ISM1: variants seen among roughly 807,000 people sequenced by gnomAD.
ISM1 encodes the protein isthmin-1.
In ISM1, 25 loss-of-function variants were observed where a neutral mutation model predicts 46.3. The observed-to-expected ratio is 0.54, with a 90% CI of 0.39 to 0.75. The LOEUF is 0.75. Among genes scored for constraint, ISM1 ranks in the 30% least tolerant of loss-of-function variants. The probability of loss-of-function intolerance (pLI) is 0.00; values close to 1 mark genes in which losing one functional copy is unlikely to be tolerated. For missense variants in ISM1, 536 were observed against 625.4 expected (o/e 0.86, Z 1.52); for synonymous variants, 255 against 256.7 (o/e 0.99, Z 0.06).
At chr20:13,285,020 C>T (rs6041995) in intron 3 of ISM1, among the ~76,000 whole-genome samples, 33,313 of 152,120 alleles carry the variant, frequency 0.22, 3,698 homozygotes, top group African/African-American at 0.26. Context: ...GGCATGGTGA[C>T]GTATGTCTGT....
chr20:13,310,789 A>G, the ISM1 span, among the ~76,000 whole-genome samples: 1 of 152,230 alleles, frequency 6.6e-6, no homozygotes, highest in African/African-American at 2.4e-5. Context: ...GAAGACATAC[A>G]GAAGGCCAAT....
chr20:13,247,518 G>GTGTGTGTGTGTGTC (rs766444581), intron 1 of ISM1, among the ~76,000 whole-genome samples: 51 of 58,016 alleles, frequency 8.8e-4, no homozygotes, highest in East Asian at 2.6e-3. Context: ...AAAGTGAGGG[G>GTGTGTGTGTGTGTC]TGTGTGTGTG....
At chr20:13,270,953 C>G (rs891283288) in intron 2 of ISM1, among the ~76,000 whole-genome samples, 1 of 152,094 alleles carries the variant, frequency 6.6e-6, no homozygotes, top group Non-Finnish European at 1.5e-5. Flanking sequence ...TTGTGAACCA[C>G]TCAAAAGAAG....
the ISM1 span, among the ~76,000 whole-genome samples, chr20:13,322,552 T>A: frequency 2.0e-5 from 3 of 152,154 alleles, no homozygotes; most frequent in Admixed American, 6.5e-5. Flanking sequence ...TCTAAACAAC[T>A]TAAGAAGATT....
chr20:13,230,003 T>C (rs970919632), intron 1 of ISM1, among the ~76,000 whole-genome samples: 4 of 152,240 alleles, frequency 2.6e-5, no homozygotes, highest in African/African-American at 9.6e-5. Flanking sequence ...TTTATTTTCC[T>C]TTATATAAAC....
Position 13,255,293 on chromosome 20 carries a change from G to A in ISM1, c.139-15211G>A, listed in dbSNP as rs144801538. Among the ~76,000 whole-genome samples the A allele has an allele frequency of 2.4e-3, 362 of 152,284 alleles. 4 individuals are homozygous for A. The highest frequency in any genetic ancestry group is 0.018 in the Admixed American group (268 of 15,300). Reference sequence around the variant, plus strand: ...AAAAAATGGATAAAATGCTCTTTTTGTTGTTAGCAAGTAATAAGGGACTTG... The same window carrying A: ...AAAAAATGGATAAAATGCTCTTTTTATTGTTAGCAAGTAATAAGGGACTTG... On this transcript the variant is annotated intron_variant, in intron 1 of 5. Transcript: ENST00000262487.
intron 1 of ISM1, among the ~76,000 whole-genome samples, chr20:13,236,394 C>T (rs892624175): frequency 2.6e-5 from 4 of 152,180 alleles, no homozygotes; most frequent in African/African-American, 9.7e-5. Context: ...CTGGGTCCTT[C>T]CCACAACACA....
In ISM1 at chr20:13,221,594, C is replaced by A. The variant is rs2039448160; in HGVS notation, c.-183C>A. Among the ~76,000 whole-genome samples the A allele has an allele frequency of 6.8e-6, 1 of 146,284 alleles. No homozygotes were observed. Among genetic ancestry groups the A allele is most frequent in the Admixed American group, 6.8e-5 (1 of 14,774 alleles). On this transcript the variant is annotated 5_prime_UTR_variant, in exon 1 of 6. Coordinates refer to ENST00000262487, the MANE Select transcript of ISM1 (RefSeq NM_080826.2). ...CGGCGGCGCCGGCAGCTCCTGCTCC[C>A]CCGGCCCCGCACACCCCGCCGCGCC... is the stretch of plus-strand genomic sequence containing the variant.
the ISM1 span, among the ~76,000 whole-genome samples, chr20:13,312,557 C>T: frequency 2.6e-5 from 4 of 152,188 alleles, no homozygotes; most frequent in Non-Finnish European, 5.9e-5. Flanking sequence ...GACAGGAGGC[C>T]TCAAACAAGT....
At chr20:13,321,624 G>A in the ISM1 span, among the ~76,000 whole-genome samples, 3 of 152,202 alleles carry the variant, frequency 2.0e-5, no homozygotes, top group Non-Finnish European at 4.4e-5. Flanking sequence ...CTTGATCCTC[G>A]GCTTCTAGCC....
intron 1 of ISM1, among the ~76,000 whole-genome samples, chr20:13,268,490 T>C (rs957038731): frequency 6.6e-6 from 1 of 151,960 alleles, no homozygotes; most frequent in Non-Finnish European, 1.5e-5. Flanking sequence ...TCTACCAGGA[T>C]GTGCCAGGAG....
intron 1 of ISM1, among the ~76,000 whole-genome samples, chr20:13,253,937 G>A (rs996337313): frequency 3.3e-5 from 5 of 151,402 alleles, no homozygotes; most frequent in African/African-American, 9.7e-5. Context: ...GTATTTATGG[G>A]CCAGGCACAG....
intron 1 of ISM1, among the ~76,000 whole-genome samples, chr20:13,246,916 G>A (rs2123180416): frequency 6.6e-6 from 1 of 152,034 alleles, no homozygotes; most frequent in African/African-American, 2.4e-5. Context: ...GGGAAAGAAG[G>A]GAGCAAGACA....
intron 1 of ISM1, among the ~76,000 whole-genome samples, chr20:13,228,659 T>C (rs556776285): frequency 6.6e-6 from 1 of 152,318 alleles, no homozygotes; most frequent in East Asian, 1.9e-4. Context: ...CAGCATATGG[T>C]GGACCCTTTC....
At chr20:13,260,197 C>T (rs2039972580) in intron 1 of ISM1, among the ~76,000 whole-genome samples, 1 of 152,210 alleles carries the variant, frequency 6.6e-6, no homozygotes, top group African/African-American at 2.4e-5. Flanking sequence ...CTCTTCACCT[C>T]TGGCCATATG....
chr20:13,288,442 C>A, intron 3 of ISM1, 98 bp from the exon 4 acceptor site: 1 of 1,298,936 alleles, frequency 7.7e-7, no homozygotes, highest in Non-Finnish European at 1.1e-6. Flanking sequence ...CCTCCCACAG[C>A]GAGAAGGATA....
intron 4 of ISM1, among the ~76,000 whole-genome samples, chr20:13,291,726 G>A (rs1489756861): frequency 6.6e-6 from 1 of 152,198 alleles, no homozygotes; most frequent in Non-Finnish European, 1.5e-5. Context: ...AATGCTAAGT[G>A]TCCTAGAATA....
chr20:13,269,815 C>T (rs1169947086), intron 1 of ISM1, among the ~76,000 whole-genome samples: 1 of 152,100 alleles, frequency 6.6e-6, no homozygotes, highest in Non-Finnish European at 1.5e-5. Context: ...TTGTTTATTT[C>T]CCTCACCTTG....
intron 3 of ISM1, among the ~76,000 whole-genome samples, chr20:13,286,112 C>A (rs1281791243): frequency 6.6e-6 from 1 of 152,128 alleles, no homozygotes; most frequent in Admixed American, 6.5e-5. Context: ...ACATTATAAT[C>A]TTTACTTTTG....
Sources: allele counts gnomAD v4.1 joint callset (sites outside exome capture counted in the v4.1 genomes callset), GRCh38; gene constraint gnomAD v4.1.1; transcripts MANE v1.5; gene names NCBI Gene and HGNC (gene_info 2026-07-23, HGNC 2026-07-21).